The following SERPINB7 variants were observed in gnomAD, a reference collection of about 807,000 sequenced individuals.
SERPINB7 encodes the protein serpin family B member 7.
SERPINB7 carries 31 observed loss-of-function variants against 37.4 expected under a neutral mutation model. The ratio of observed to expected loss-of-function variants is 0.83; its 90% CI spans 0.62 to 1.12. The LOEUF (loss-of-function observed/expected upper bound fraction) is 1.12, where lower values mean the gene tolerates loss of function less well. Ranked by LOEUF, SERPINB7 falls within the 50% of genes most tolerant of loss-of-function variation. SERPINB7 has a pLI of 0.00. For missense variants in SERPINB7, 521 were observed against 455.3 expected, an observed-to-expected ratio of 1.14 and a Z score of -1.31; for synonymous variants, 163 against 166.1, an observed-to-expected ratio of 0.98 and a Z score of 0.14.
At chr18:63,776,572 G>T (rs770448669) in intron 1 of SERPINB7, among the ~76,000 whole-genome samples, 5 of 150,880 alleles carry the variant, frequency 3.3e-5, no homozygotes, top group African/African-American at 1.2e-4. Context: ...AAACCTTCTT[G>T]TGTGCCTTAA....
intron 1 of SERPINB7, among the ~76,000 whole-genome samples, chr18:63,765,558 A>G (rs1299522113): frequency 1.3e-5 from 2 of 152,164 alleles, no homozygotes; most frequent in African/African-American, 2.4e-5. Flanking sequence ...TTAGGATAAA[A>G]TTCAAATTCT....
At chr18:63,753,828 T>C (rs1374182175) in intron 1 of SERPINB7, among the ~76,000 whole-genome samples, 5 of 152,212 alleles carry the variant, frequency 3.3e-5, no homozygotes, top group Admixed American at 3.3e-4. Flanking sequence ...CTTGATAGAA[T>C]GATTCAGAAT....
intron 1 of SERPINB7, among the ~76,000 whole-genome samples, chr18:63,761,136 G>C (rs1014455468): frequency 4.6e-5 from 7 of 152,230 alleles, no homozygotes; most frequent in African/African-American, 1.7e-4. Flanking sequence ...CAAAGCCACA[G>C]GGGCAGAGCT....
chr18:63,803,946 C>T (rs1222746740), intron 7 of SERPINB7, among the ~76,000 whole-genome samples: 1 of 152,198 alleles, frequency 6.6e-6, no homozygotes, highest in Non-Finnish European at 1.5e-5. Context: ...CTGTCTATTG[C>T]TCCACGTTGG....
intron 2 of SERPINB7, among the ~76,000 whole-genome samples, chr18:63,785,600 T>C (rs1353919396): frequency 6.6e-6 from 1 of 152,018 alleles, no homozygotes; most frequent in African/African-American, 2.4e-5. Context: ...CAAGAATCAG[T>C]GTGCTTGAGG....
chr18:63,778,759 GA>G (rs2049274442), intron 1 of SERPINB7, among the ~76,000 whole-genome samples: 1 of 152,090 alleles, frequency 6.6e-6, no homozygotes, highest in Non-Finnish European at 1.5e-5. Flanking sequence ...GGATGAAAGG[GA>G]TAAAAAAGTT....
intron 1 of SERPINB7, among the ~76,000 whole-genome samples, chr18:63,758,309 T>C (rs2049133187): frequency 6.6e-6 from 1 of 152,188 alleles, no homozygotes; most frequent in Non-Finnish European, 1.5e-5. Flanking sequence ...ACAACAGCAA[T>C]GGAACAGATA....
At chr18:63,764,944 GA>G (rs1387404681) in intron 1 of SERPINB7, among the ~76,000 whole-genome samples, 1 of 151,936 alleles carries the variant, frequency 6.6e-6, no homozygotes, top group Non-Finnish European at 1.5e-5. Context: ...ATAAACCACA[GA>G]AAAAATGATA....
chr18:63,759,166 T>A (rs1255084556), intron 1 of SERPINB7, among the ~76,000 whole-genome samples: 1 of 152,212 alleles, frequency 6.6e-6, no homozygotes, highest in Admixed American at 6.5e-5. Context: ...TATATTTTAA[T>A]GCATCTCATT....
chr18:63,786,315 T>G (rs1282554530), intron 2 of SERPINB7, among the ~76,000 whole-genome samples: 1 of 150,190 alleles, frequency 6.7e-6, no homozygotes, highest in African/African-American at 2.4e-5. Flanking sequence ...GTTTGGATTA[T>G]ATATGTATGA....
chr18:63,761,703 T>G (rs1375079659), intron 1 of SERPINB7, among the ~76,000 whole-genome samples: 4 of 152,200 alleles, frequency 2.6e-5, no homozygotes, highest in Non-Finnish European at 5.9e-5. Context: ...CAAGATCTGA[T>G]GGATTTATCA....
At chr18:63,793,835 AT>A (rs926205420) in intron 4 of SERPINB7, among the ~76,000 whole-genome samples, 6 of 151,736 alleles carry the variant, frequency 4.0e-5, no homozygotes, top group African/African-American at 1.2e-4. Flanking sequence ...AGTTTTATGT[AT>A]TTTTTTTAAG....
chr18:63,776,688 G>C (rs569074391), intron 1 of SERPINB7, among the ~76,000 whole-genome samples: 43 of 150,208 alleles, frequency 2.9e-4, no homozygotes, highest in Non-Finnish European at 3.3e-4. Context: ...GGAAGAAGTG[G>C]GTCCCAATGG....
chr18:63,796,002 C>G (rs1038542110), intron 4 of SERPINB7, among the ~76,000 whole-genome samples: 1 of 152,084 alleles, frequency 6.6e-6, no homozygotes. Flanking sequence ...AAAGGGTGGG[C>G]TTTATCCATT....
At chr18:63,778,999 A>G (rs1720851) in intron 1 of SERPINB7, among the ~76,000 whole-genome samples, 92,491 of 152,076 alleles carry the variant, frequency 0.61, 29,381 homozygotes, top group African/African-American at 0.79. Flanking sequence ...AGACTTTAAA[A>G]CCAAGTTCTT....
At chr18:63,769,554 A>G (rs888446397) in intron 1 of SERPINB7, among the ~76,000 whole-genome samples, 2 of 152,094 alleles carry the variant, frequency 1.3e-5, no homozygotes, top group African/African-American at 4.8e-5. Flanking sequence ...CATTTTGAGT[A>G]TTATATAATG....
chr18:63,795,043 A>T (rs1000117081), intron 4 of SERPINB7, among the ~76,000 whole-genome samples: 4 of 152,232 alleles, frequency 2.6e-5, no homozygotes, highest in Non-Finnish European at 4.4e-5. Context: ...AAATTAGATC[A>T]TTATGACTTT....
chr18:63,783,255 A>AGAAAGAAAGAAAGAAAGAAAGAAAG (rs1568207995), intron 2 of SERPINB7, among the ~76,000 whole-genome samples: 6 of 146,836 alleles, frequency 4.1e-5, no homozygotes, highest in Admixed American at 1.3e-4. Context: ...AGAAAGAAAG[A>AGAAAGAAAGAAAGAAAGAAAGAAAG]AAGAAAGAAA....
At chr18:63,763,267 T>A (rs1405235080) in intron 1 of SERPINB7, among the ~76,000 whole-genome samples, 1 of 152,146 alleles carries the variant, frequency 6.6e-6, no homozygotes, top group Non-Finnish European at 1.5e-5. Flanking sequence ...CCTGCTACTA[T>A]TTTTTTAACA....
Sources: allele counts gnomAD v4.1 joint callset (sites outside exome capture counted in the v4.1 genomes callset), GRCh38; gene constraint gnomAD v4.1.1; transcripts MANE v1.5; gene names NCBI Gene and HGNC (gene_info 2026-07-23, HGNC 2026-07-21).